The following SATL1 variants were observed in gnomAD, a reference collection of about 807,000 sequenced individuals.
SATL1 encodes spermidine/spermine N1-acetyl transferase like 1.
SATL1 carries 47 observed loss-of-function variants against 51.8 expected under a neutral mutation model. The observed-to-expected ratio is 0.91, with a 90% CI of 0.72 to 1.16. The LOEUF (loss-of-function observed/expected upper bound fraction) is 1.16, where lower values mean the gene tolerates loss of function less well. Among genes scored for constraint, SATL1 ranks in the 50% most tolerant of loss-of-function variants. The probability of loss-of-function intolerance (pLI) is 0.00; values close to 1 mark genes in which losing one functional copy is unlikely to be tolerated. For missense variants in SATL1, 520 were observed against 526.4 expected (o/e 0.99, Z 0.12); for synonymous variants, 176 against 182.4 (o/e 0.97, Z 0.28).
intron 2 of SATL1, among the ~76,000 whole-genome samples, chrX:85,125,795 A>G (rs143567736): frequency 0.011 from 1,222 of 109,755 alleles, 11 homozygotes; most frequent in African/African-American, 0.038. Flanking sequence ...TAAAATCCTT[A>G]CCAAATATGT....
chrX:85,118,415 G>A (rs1925434335), intron 2 of SATL1: 1 of 110,252 alleles, frequency 9.1e-6, no homozygotes, highest in Admixed American at 9.8e-5. Context: ...ACTGAGTCAT[G>A]AACAGGTTTA....
chrX:85,208,994 C>T (rs776889154), intron 2 of SATL1: 1 of 113,488 alleles, frequency 8.8e-6, no homozygotes, highest in Non-Finnish European at 1.9e-5. Context: ...CTGAATGGTA[C>T]TGCCTAGGTT....
At position 85,103,969 on chromosome X, in the gene SATL1, T is replaced by A. The variant is rs146418802; in HGVS notation, c.1642-54A>T. 299 of 891,561 alleles carry A rather than the reference T, an allele frequency of 3.4e-4. 1 individual carries two copies. The African/African-American group carries it at 4.8e-3, about 14-fold the overall frequency. The allele number at this position is 891,561 out of a possible 1,213,427, so 73.5% of individuals were successfully genotyped here. ...ATGATTTAGCAATAAATTATTAAGA[T>A]GATAATCATCATAAAATTTGTATTA... On this transcript the variant is annotated intron_variant, in intron 3 of 7. Coordinates refer to ENST00000644105, the MANE Select transcript of SATL1 (RefSeq NM_001367857.2).
At chrX:85,159,326 C>A (rs1926662439) in intron 2 of SATL1, among the ~76,000 whole-genome samples, 1 of 111,932 alleles carries the variant, frequency 8.9e-6, no homozygotes, top group Non-Finnish European at 1.9e-5. Flanking sequence ...TGGACCCATA[C>A]TGAGGGGGCA....
chrX:85,154,643 C>A (rs1256778811), intron 2 of SATL1, among the ~76,000 whole-genome samples: 1 of 112,247 alleles, frequency 8.9e-6, no homozygotes, highest in Non-Finnish European at 1.9e-5. Flanking sequence ...TAACTCTGAA[C>A]CCAGGCAGTC....
chrX:85,104,694 G>A (rs779822667), intron 3 of SATL1, among the ~76,000 whole-genome samples: 1 of 110,897 alleles, frequency 9.0e-6, no homozygotes, highest in South Asian at 3.8e-4. Flanking sequence ...GAGTGTTCAA[G>A]CCCCTTATAT....
chrX:85,242,257 C>G (rs1284052319), intron 1 of SATL1, among the ~76,000 whole-genome samples: 1 of 112,033 alleles, frequency 8.9e-6, no homozygotes, highest in Non-Finnish European at 1.9e-5. Context: ...TGGGACAAGA[C>G]CATAAGTAGT....
rs150715010 is a variant in SATL1, at chrX:85,233,344, G to A, written c.-434-9018C>T. On this transcript the variant is annotated intron_variant, in intron 1 of 7. Transcript: ENST00000644105. Reference sequence around the variant, plus strand: ...GCTCCAAACAAGCCCAGACTCTGAAGATTACAAGAAATACTTAACTCTTCA... The same window carrying A: ...GCTCCAAACAAGCCCAGACTCTGAAAATTACAAGAAATACTTAACTCTTCA... Among the ~76,000 whole-genome samples the A allele has an allele frequency of 1.9e-4, 21 of 112,138 alleles. No homozygotes were observed. The East Asian group carries it at 5.4e-3, about 29-fold the overall frequency.
intron 2 of SATL1, among the ~76,000 whole-genome samples, chrX:85,133,459 T>A (rs962087256): frequency 8.9e-6 from 1 of 112,446 alleles, no homozygotes; most frequent in African/African-American, 3.2e-5. Flanking sequence ...CGCTGAGCCA[T>A]GCGCAGGATA....
At chrX:85,187,396 C>T (rs1472725581) in intron 2 of SATL1, among the ~76,000 whole-genome samples, 2 of 111,400 alleles carry the variant, frequency 1.8e-5, no homozygotes, top group East Asian at 5.7e-4. Flanking sequence ...GGCATCCTTA[C>T]CTTGTTCTAG....
chrX:85,137,156 G>T (rs1208203888), intron 2 of SATL1, among the ~76,000 whole-genome samples: 3 of 111,253 alleles, frequency 2.7e-5, no homozygotes, highest in Non-Finnish European at 3.8e-5. Context: ...CATTGAGATG[G>T]GAATGGAAGA....
At chrX:85,215,209 G>A (rs1185659719) in intron 2 of SATL1, among the ~76,000 whole-genome samples, 1 of 111,614 alleles carries the variant, frequency 9.0e-6, no homozygotes, top group African/African-American at 3.3e-5. Context: ...CCGAAGTGGT[G>A]GGGATGTAGG....
At chrX:85,205,830 A>G (rs764917025) in intron 2 of SATL1, among the ~76,000 whole-genome samples, 272 of 111,772 alleles carry the variant, frequency 2.4e-3, no homozygotes, top group African/African-American at 8.0e-3. Context: ...ATAAGCAGGA[A>G]GAAGAGTCCA....
intron 2 of SATL1, among the ~76,000 whole-genome samples, chrX:85,146,307 T>G (rs1451603997): frequency 8.9e-6 from 1 of 111,867 alleles, no homozygotes; most frequent in Non-Finnish European, 1.9e-5. Context: ...GATAATTTAT[T>G]GTCCATTTAA....
intron 2 of SATL1, among the ~76,000 whole-genome samples, chrX:85,147,723 G>A (rs1052848944): frequency 7.1e-5 from 8 of 112,070 alleles, no homozygotes; most frequent in Non-Finnish European, 1.1e-4. Context: ...GGTCTGGAGT[G>A]GACCTCTAGC....
intron 2 of SATL1, among the ~76,000 whole-genome samples, chrX:85,165,890 T>C (rs1926824248): frequency 8.9e-6 from 1 of 111,750 alleles, no homozygotes; most frequent in African/African-American, 3.3e-5. Flanking sequence ...TACCAGCCTA[T>C]AGTTACTAAA....
At chrX:85,101,612 A>G (rs1431557444) in intron 4 of SATL1, among the ~76,000 whole-genome samples, 1 of 111,678 alleles carries the variant, frequency 9.0e-6, no homozygotes, top group East Asian at 2.8e-4. Flanking sequence ...GTTGTGGAAA[A>G]CAGTATGGAA....
rs752887050 is a variant in SATL1, at chrX:85,164,886, G to A, written c.-312-55606C>T. On this transcript the variant is annotated intron_variant, in intron 2 of 7. Coordinates refer to ENST00000644105, the MANE Select transcript of SATL1 (RefSeq NM_001367857.2). ...ATTACAGGCACGCACCACCACACCC[G>A]ACTAATTTTGTATTTTTAACAGAGA... Among the ~76,000 whole-genome samples the A allele has an allele frequency of 3.9e-4, 43 of 109,839 alleles. No individual in the cohort carries two copies. In the South Asian group the frequency reaches 1.0e-2, roughly 26 times the overall value.
At chrX:85,112,809 A>G (rs1008545720) in intron 2 of SATL1, among the ~76,000 whole-genome samples, 1 of 110,880 alleles carries the variant, frequency 9.0e-6, no homozygotes, top group Non-Finnish European at 1.9e-5. Flanking sequence ...GCTGTGACCA[A>G]TTATTATGTT....
Sources: allele counts gnomAD v4.1 joint callset (sites outside exome capture counted in the v4.1 genomes callset), GRCh38; gene constraint gnomAD v4.1.1; transcripts MANE v1.5; gene names NCBI Gene and HGNC (gene_info 2026-07-23, HGNC 2026-07-21).